Variants in ABCC2 observed in about 807,000 individuals in gnomAD.
ABCC2 encodes ATP-binding cassette sub-family C member 2.
Under a neutral mutation model 173.4 loss-of-function variants are expected in ABCC2, and 157 were observed. That is an observed-to-expected ratio of 0.91 (90% CI 0.80 to 1.03). ABCC2 has a LOEUF of 1.03. Ranked by LOEUF, ABCC2 falls within the 50% of genes least tolerant of loss-of-function variation. ABCC2 has a pLI of 0.00. For missense variants in ABCC2, 1,822 were observed against 1,852.3 expected, an observed-to-expected ratio of 0.98 and a Z score of 0.30; for synonymous variants, 657 against 693.5, an observed-to-expected ratio of 0.95 and a Z score of 0.83.
At chr10:99,807,354 T>C in intron 11 of ABCC2, 30 bp from the exon 12 acceptor site, 1 of 1,614,066 alleles carries the variant, frequency 6.2e-7, no homozygotes, top group Admixed American at 1.7e-5. Flanking sequence ...GGGGCAATCA[T>C]GTGAGCTGTA....
chr10:99,818,874 G>T lies in ABCC2; in HGVS notation c.2356G>T (p.Asp786Tyr). 6.2e-7 allele frequency: 1 copy of T among 1,614,158 alleles called. No homozygotes were observed. Among genetic ancestry groups the T allele is most frequent in the South Asian group, 1.1e-5 (1 of 91,088 alleles). ...YQNLDIYLLD[D>Y]PLSAVDAHVG... ...AAATTTAGACATCTATCTTCTAGAT[G>T]ACCCCCTGTCTGCAGTGGATGCTCA... The change falls in exon 18 of 32, where the codon GAC becomes TAC. Residue 786 changes from aspartate (D) to tyrosine (Y), a missense_variant. Physicochemically the swap from Asp to Tyr is radical, Grantham distance 160 (BLOSUM62 -3). Coordinates refer to ENST00000647814, the MANE Select transcript of ABCC2 (RefSeq NM_000392.5).
chr10:99,811,394 T>C, intron 14 of ABCC2, 142 bp from the exon 15 acceptor site: 1 of 805,508 alleles, frequency 1.2e-6, no homozygotes, highest in Admixed American at 2.0e-5. Flanking sequence ...CTAGGAGATT[T>C]CATTCACCTC....
intron 25 of ABCC2, 52 bp from the exon 26 acceptor site, chr10:99,841,915 A>G: frequency 6.2e-7 from 1 of 1,613,650 alleles, no homozygotes; most frequent in Non-Finnish European, 8.5e-7. Context: ...GTTGCTGGTT[A>G]AGATGAGGAC....
Position 99,807,436 on chromosome 10 carries a change from T to C in ABCC2, c.1583T>C (p.Leu528Pro). ...EPSFRDQVQN[L>P]RKKELKNLLA... ...TCATTCAGAGACCAAGTACAAAACC[T>C]CCGGAAGAAAGAGCTCAAGAACCTG... The change falls in exon 12 of 32, where the codon CTC becomes CCC. Residue 528 changes from leucine (L) to proline (P), a missense_variant. By Grantham distance (98) the Leu-to-Pro change is moderately conservative (BLOSUM62 -3). Transcript: ENST00000647814. The C allele has an allele frequency of 6.2e-7, 1 of 1,614,106 alleles. No individual in the cohort carries two copies. The highest frequency in any genetic ancestry group is 8.5e-7 in the Non-Finnish European group (1 of 1,179,974).
chr10:99,844,254 T>C, intron 27 of ABCC2, 68 bp from the exon 28 acceptor site: 1 of 1,595,180 alleles, frequency 6.3e-7, no homozygotes, highest in Non-Finnish European at 8.6e-7. Flanking sequence ...ATGACACGAG[T>C]CCTGGGTGGA....
chr10:99,817,441 T>C lies in ABCC2; in HGVS notation c.2228T>C (p.Leu743Ser). Residue 743 changes from leucine (L) to serine (S), a missense_variant, in exon 17 of 32, where the codon TTG becomes TCG. Physicochemically the swap from Leu to Ser is moderately radical, Grantham distance 145. Transcript: ENST00000647814. ...VLEACALLPD[L>S]EMLPGGDLAE... ...GAGGCCTGTGCTCTCCTCCCAGACT[T>C]GGAAATGCTGCCTGGAGGAGATTTG... 6.2e-7 allele frequency: 1 copy of C among 1,614,160 alleles called. No homozygotes were observed. The highest frequency in any genetic ancestry group is 8.5e-7 in the Non-Finnish European group (1 of 1,180,026).
chr10:99,832,073 C>T lies in ABCC2; in HGVS notation c.3200C>T (p.Ala1067Val). ...CAACTGCTGAACAATATCCTTCGAG[C>T]ACCTATGAGATTTTTTGACACAACA... is the stretch of plus-strand genomic sequence containing the variant. ...HKQLLNNILR[A>V]PMRFFDTTPT... Residue 1067 changes from alanine (A) to valine (V), a missense_variant, in exon 23 of 32, where the codon GCA becomes GTA. Coordinates refer to ENST00000647814, the MANE Select transcript of ABCC2 (RefSeq NM_000392.5). The T allele has an allele frequency of 1.9e-6, 3 of 1,614,214 alleles. No homozygotes were observed. The highest frequency in any genetic ancestry group is 2.5e-6 in the Non-Finnish European group (3 of 1,180,026).
rs1590162742 is a variant in ABCC2 at position 99,813,282 on chromosome 10, C to G, written c.2094+138C>G. On this transcript the variant is annotated intron_variant, in intron 16 of 31. Coordinates refer to ENST00000647814, the MANE Select transcript of ABCC2 (RefSeq NM_000392.5). ...TCCGATAGATTTGTGGACTGTGATTCTCCTTCCCATTTCAGCTTTATATAA... is the reference window on the plus strand; with the variant it reads ...TCCGATAGATTTGTGGACTGTGATTGTCCTTCCCATTTCAGCTTTATATAA... The G allele has an allele frequency of 2.5e-6, 3 of 1,209,404 alleles. No individual in the cohort carries two copies. In the East Asian group the frequency reaches 7.8e-5, roughly 32 times the overall value. 74.9% of individuals were successfully genotyped at this position (1,209,404 alleles called of 1,614,324 possible).
intron 16 of ABCC2, among the ~76,000 whole-genome samples, chr10:99,814,164 T>TGC (rs1564683335): frequency 1.2e-4 from 15 of 125,104 alleles, no homozygotes; most frequent in African/African-American, 3.9e-4. Context: ...TATACACACG[T>TGC]ATATATACAC....
intron 8 of ABCC2, among the ~76,000 whole-genome samples, chr10:99,799,772 G>A (rs1200549794): frequency 1.3e-5 from 2 of 152,180 alleles, no homozygotes; most frequent in African/African-American, 4.8e-5. Flanking sequence ...GTCATGACCT[G>A]TGGAGTGAAC....
At chr10:99,793,862 C>T in intron 4 of ABCC2, 30 bp from the exon 5 acceptor site, 17 of 1,596,148 alleles carry the variant, frequency 1.1e-5, no homozygotes, top group Non-Finnish European at 1.5e-5. Flanking sequence ...ACAAAAGGCT[C>T]ATTTTTCCTC....
At chr10:99,796,565 T>C (rs2037915455) in intron 6 of ABCC2, among the ~76,000 whole-genome samples, 1 of 152,000 alleles carries the variant, frequency 6.6e-6, no homozygotes, top group Admixed American at 6.6e-5. Flanking sequence ...AAACCTGTAA[T>C]CCCAGCTACT....
At chr10:99,847,293 G>C (rs1469383089) in intron 30 of ABCC2, among the ~76,000 whole-genome samples, 166 bp downstream of exon 30, 1 of 152,232 alleles carries the variant, frequency 6.6e-6, no homozygotes, top group South Asian at 2.1e-4. Flanking sequence ...AAATAGATGT[G>C]AAAGTGCTTT....
At chr10:99,804,310 TTTAAAGTGTAAAC>T (rs751610834) in intron 10 of ABCC2, 37 bp downstream of exon 10, 1 of 1,613,234 alleles carries the variant, frequency 6.2e-7, no homozygotes, top group African/African-American at 1.3e-5. Flanking sequence ...ATAAGCTTTC[TTTAAAGTGTAAAC>T]CCTTTTTCTT....
At chr10:99,831,472 G>T in intron 21 of ABCC2, 139 bp from the exon 22 acceptor site, 1 of 761,948 alleles carries the variant, frequency 1.3e-6, no homozygotes, top group Non-Finnish European at 2.4e-6. Flanking sequence ...CAGAAATGGT[G>T]ACCACAGACT....
intron 19 of ABCC2, among the ~76,000 whole-genome samples, chr10:99,819,730 G>A (rs1034366744): frequency 1.3e-5 from 2 of 152,108 alleles, no homozygotes; most frequent in South Asian, 4.1e-4. Flanking sequence ...CCTAACAAAG[G>A]GATTTTGATT....
chr10:99,784,547 C>A, intron 1 of ABCC2, 61 bp from the exon 2 acceptor site: 1 of 1,542,752 alleles, frequency 6.5e-7, no homozygotes, highest in Non-Finnish European at 9.0e-7. Flanking sequence ...GGATGTGCTG[C>A]AGGGTGGTTT....
chr10:99,834,899 A>C (rs2038795821), intron 24 of ABCC2, among the ~76,000 whole-genome samples: 1 of 152,224 alleles, frequency 6.6e-6, no homozygotes, highest in South Asian at 2.1e-4. Context: ...GTTCCAGAAG[A>C]GCCATGCTAT....
chr10:99,815,480 G>A (rs370738363), intron 16 of ABCC2, among the ~76,000 whole-genome samples: 2 of 152,078 alleles, frequency 1.3e-5, no homozygotes, highest in South Asian at 4.1e-4. Context: ...ATATGGGTAA[G>A]CCACTGGGAC....
Sources: allele counts gnomAD v4.1 joint callset (sites outside exome capture counted in the v4.1 genomes callset), GRCh38; gene constraint gnomAD v4.1.1; transcripts MANE v1.5; gene names NCBI Gene and HGNC (gene_info 2026-07-23, HGNC 2026-07-21).